CTNNA3: variants seen among roughly 807,000 people sequenced by gnomAD.
The protein encoded by CTNNA3 is catenin alpha-3.
CTNNA3 carries 76 observed loss-of-function variants against 95.7 expected under a neutral mutation model. The observed-to-expected ratio is 0.79, with a 90% CI of 0.66 to 0.96. CTNNA3 has a LOEUF of 0.96. Among genes scored for constraint, CTNNA3 ranks in the 40% least tolerant of loss-of-function variants. CTNNA3 has a pLI of 0.00. For missense variants in CTNNA3, 1,191 were observed against 1,089.8 expected, an observed-to-expected ratio of 1.09 and a Z score of -1.31; for synonymous variants, 431 against 374.4, an observed-to-expected ratio of 1.15 and a Z score of -1.74.
chr10:66,515,345 C>CTCTATATA lies in CTNNA3; in HGVS notation c.1531+5271_1531+5272insTATATAGA, dbSNP rs558913767. 3.1e-3 allele frequency among the ~76,000 whole-genome samples: 463 copies of CTCTATATA among 148,982 alleles called. 2 individuals are homozygous for CTCTATATA. Among genetic ancestry groups the CTCTATATA allele is most frequent in the Non-Finnish European group, 4.8e-3 (323 of 67,236 alleles). ...TCCCTCTCTGTCTCTCTCTCTCTCT[C>CTCTATATA]TATATATATATATAGTATTAGTATT... On this transcript the variant is annotated intron_variant, in intron 11 of 17. Transcript: ENST00000433211.
chr10:66,284,417 A>G (rs2091549779), intron 12 of CTNNA3, among the ~76,000 whole-genome samples: 1 of 151,852 alleles, frequency 6.6e-6, no homozygotes, highest in South Asian at 2.1e-4. Flanking sequence ...TGAACCCTAA[A>G]TCTGCACTGC....
At chr10:67,262,279 A>C (rs1866649321) in intron 5 of CTNNA3, among the ~76,000 whole-genome samples, 1 of 152,230 alleles carries the variant, frequency 6.6e-6, no homozygotes, top group Non-Finnish European at 1.5e-5. Flanking sequence ...TATCTGCTAT[A>C]TCATAAAAAT....
rs112970420 is a variant in CTNNA3, at chr10:66,849,275, G to T, written c.1048-73751C>A. Among the ~76,000 whole-genome samples, 1,166 of 152,290 alleles carry T rather than the reference G, an allele frequency of 7.7e-3. 20 individuals carry two copies. Among genetic ancestry groups the T allele is most frequent in the African/African-American group, 0.027 (1,114 of 41,556 alleles). On this transcript the variant is annotated intron_variant, in intron 7 of 17. Transcript: ENST00000433211. ...AACTGAGAAATAATCAGGCTGACAAGCCATCAGGAAATAGTAAATTAGGAA... is the reference window on the plus strand; with the variant it reads ...AACTGAGAAATAATCAGGCTGACAATCCATCAGGAAATAGTAAATTAGGAA...
intron 5 of CTNNA3, among the ~76,000 whole-genome samples, chr10:67,304,895 T>G (rs1214582173): frequency 6.6e-6 from 1 of 151,886 alleles, no homozygotes; most frequent in East Asian, 1.9e-4. Flanking sequence ...AAGAGTATAG[T>G]AAGTCAAGCA....
In CTNNA3 at chr10:65,959,329, C is replaced by T. The variant is rs189536635; in HGVS notation, c.2400+7283G>A. 1.6e-4 allele frequency among the ~76,000 whole-genome samples: 25 copies of T among 152,296 alleles called. No individual in the cohort carries two copies. In the East Asian group the frequency reaches 4.8e-3, roughly 30 times the overall value. ...GGCTAGGAAAGGGAATTCCCCGACC[C>T]CTTGTGCTTCCTGGGTGAGGCAATG... On this transcript the variant is annotated intron_variant, in intron 17 of 17. Coordinates refer to ENST00000433211, the MANE Select transcript of CTNNA3 (RefSeq NM_013266.4).
chr10:66,344,381 C>T (rs183011783), intron 12 of CTNNA3, among the ~76,000 whole-genome samples: 7,060 of 151,624 alleles, frequency 0.047, 250 homozygotes, highest in Non-Finnish European at 0.062. Context: ...ATTCTCCTGC[C>T]TCAGCCTCCT....
At chr10:66,076,760 C>T (rs2080570654) in intron 14 of CTNNA3, among the ~76,000 whole-genome samples, 1 of 151,538 alleles carries the variant, frequency 6.6e-6, no homozygotes, top group African/African-American at 2.4e-5. Context: ...GTTCACACTT[C>T]CAGTATGCCA....
intron 1 of CTNNA3, among the ~76,000 whole-genome samples, chr10:67,735,509 C>G (rs1220963307): frequency 6.6e-6 from 1 of 152,006 alleles, no homozygotes; most frequent in Non-Finnish European, 1.5e-5. Context: ...GATCATTTGT[C>G]CCAAGGAAAT....
intron 17 of CTNNA3, among the ~76,000 whole-genome samples, chr10:65,926,413 T>A (rs1243950218): frequency 1.3e-5 from 2 of 152,064 alleles, no homozygotes; most frequent in Non-Finnish European, 2.9e-5. Context: ...ATTGGATAAT[T>A]CCAGGGATTT....
intron 7 of CTNNA3, among the ~76,000 whole-genome samples, chr10:67,038,831 A>G (rs916025578): frequency 6.6e-6 from 1 of 152,052 alleles, no homozygotes; most frequent in Non-Finnish European, 1.5e-5. Context: ...AAATGCATAA[A>G]ATGAAAACAT....
At chr10:66,474,294 T>G (rs989286138) in intron 11 of CTNNA3, among the ~76,000 whole-genome samples, 1 of 152,024 alleles carries the variant, frequency 6.6e-6, no homozygotes, top group Non-Finnish European at 1.5e-5. Context: ...CACATATGAG[T>G]GAGATCATGC....
intron 9 of CTNNA3, among the ~76,000 whole-genome samples, chr10:66,651,653 C>CCTGCTG (rs569047116): frequency 6.6e-6 from 1 of 151,532 alleles, no homozygotes; most frequent in Non-Finnish European, 1.5e-5. Context: ...GCGCAGTGCC[C>CCTGCTG]GCCGGCCGGC....
intron 12 of CTNNA3, among the ~76,000 whole-genome samples, chr10:66,344,898 A>G (rs2092491734): frequency 6.6e-6 from 1 of 152,084 alleles, no homozygotes; most frequent in Non-Finnish European, 1.5e-5. Context: ...CCACAAGTAT[A>G]AAGCAAAAAA....
chr10:66,074,224 A>AAT lies in CTNNA3; in HGVS notation c.1978-4737_1978-4736dup, dbSNP rs5785746. ...TATACAGATATTATTCCACTCTACA[A>AAT]ATATATATATATATATTTCTATAAA... On this transcript the variant is annotated intron_variant, in intron 14 of 17. Coordinates refer to ENST00000433211, the MANE Select transcript of CTNNA3 (RefSeq NM_013266.4). Among the ~76,000 whole-genome samples the AAT allele has an allele frequency of 7.8e-3, 1,172 of 150,532 alleles. 16 individuals are homozygous for AAT. Among genetic ancestry groups the AAT allele is most frequent in the South Asian group, 0.015 (73 of 4,794 alleles).
rs150287027 is a variant in CTNNA3 at position 66,280,228 on chromosome 10, T to C, written c.1884+242A>G. On this transcript the variant is annotated intron_variant, in intron 13 of 17. Coordinates refer to ENST00000433211, the MANE Select transcript of CTNNA3 (RefSeq NM_013266.4). ...CAAATCCTGCACCCAACAAATCCTA[T>C]CTTTTCTGCACACGCAGCAGTAAAA... is the stretch of plus-strand genomic sequence containing the variant. 3.9e-3 allele frequency among the ~76,000 whole-genome samples: 587 copies of C among 152,186 alleles called. 4 individuals carry two copies. Among genetic ancestry groups the C allele is most frequent in the African/African-American group, 0.012 (505 of 41,536 alleles).
chr10:67,389,807 C>A (rs1209221416), intron 5 of CTNNA3, among the ~76,000 whole-genome samples: 2 of 152,084 alleles, frequency 1.3e-5, no homozygotes, highest in Non-Finnish European at 2.9e-5. Flanking sequence ...TCCTGAATGA[C>A]TACTGGGTAC....
intron 11 of CTNNA3, among the ~76,000 whole-genome samples, chr10:66,462,350 G>C (rs945894383): frequency 1.3e-5 from 2 of 152,026 alleles, no homozygotes; most frequent in African/African-American, 2.4e-5. Flanking sequence ...TGGAAGCACA[G>C]ATTAATTTGG....
chr10:66,681,750 TA>T (rs1242305854), intron 9 of CTNNA3, among the ~76,000 whole-genome samples: 1 of 152,222 alleles, frequency 6.6e-6, no homozygotes, highest in African/African-American at 2.4e-5. Flanking sequence ...GGGGTTTCTT[TA>T]AAAATTTCCT....
At chr10:67,014,318 T>C (rs59102106) in intron 7 of CTNNA3, among the ~76,000 whole-genome samples, 1 of 152,130 alleles carries the variant, frequency 6.6e-6, no homozygotes, top group South Asian at 2.1e-4. Flanking sequence ...TTTATGTCAT[T>C]CTGTTTTGTT....
Sources: gnomAD v4.1 joint callset for allele counts (sites outside exome capture counted in the v4.1 genomes callset) on GRCh38, gnomAD v4.1.1 for gene constraint, MANE v1.5 for transcripts, NCBI Gene and HGNC (gene_info 2026-07-23, HGNC 2026-07-21) for gene names.